Variants in MARCHF1 observed in about 807,000 individuals in gnomAD.
The protein encoded by MARCHF1 is E3 ubiquitin-protein ligase MARCHF1.
Under a neutral mutation model 54.2 loss-of-function variants are expected in MARCHF1, and 40 were observed. The observed-to-expected ratio is 0.74, with a 90% confidence interval of 0.57 to 0.96. MARCHF1 has a LOEUF of 0.96. Among genes scored for constraint, MARCHF1 ranks in the 40% least tolerant of loss-of-function variants. MARCHF1 has a pLI of 0.00. For synonymous variants in MARCHF1, 236 were observed against 236.3 expected, an observed-to-expected ratio of 1.00 and a Z score of 0.01; for missense variants, 586 against 656.5, an observed-to-expected ratio of 0.89 and a Z score of 1.17.
intron 5 of MARCHF1, among the ~76,000 whole-genome samples, chr4:163,677,686 T>G (rs1323673465): frequency 4.6e-5 from 7 of 152,250 alleles, no homozygotes; most frequent in Admixed American, 4.6e-4. Context: ...TGTTTATATC[T>G]CTACTCATCT....
intron 4 of MARCHF1, among the ~76,000 whole-genome samples, chr4:163,735,903 T>G (rs751168108): frequency 6.6e-6 from 1 of 152,194 alleles, no homozygotes; most frequent in Non-Finnish European, 1.5e-5. Flanking sequence ...CATTACAAGA[T>G]AGTGGATGCC....
At chr4:164,006,990 GAAAAAAAAAAAAAAAAAAAAAAAA>G (rs57195057) in intron 2 of MARCHF1, among the ~76,000 whole-genome samples, 25 of 23,190 alleles carry the variant, frequency 1.1e-3, no homozygotes, top group East Asian at 1.4e-3. Context: ...TCTGAAATCT[GAAAAAAAAAAAAAAAAAAAAAAAA>G]AAAAAAAAAA....
intron 4 of MARCHF1, among the ~76,000 whole-genome samples, chr4:163,844,223 G>C (rs1004497674): frequency 6.6e-6 from 1 of 152,180 alleles, no homozygotes; most frequent in South Asian, 2.1e-4. Context: ...AGAGCATGAG[G>C]TACGTGGTTT....
chr4:164,183,490 T>A (rs1375634758), intron 1 of MARCHF1, among the ~76,000 whole-genome samples: 1 of 152,222 alleles, frequency 6.6e-6, no homozygotes, highest in Non-Finnish European at 1.5e-5. Flanking sequence ...AATTTTTATG[T>A]GGTCAAAAGC....
intron 1 of MARCHF1, among the ~76,000 whole-genome samples, chr4:164,373,886 G>A (rs1387615875): frequency 6.6e-6 from 1 of 152,060 alleles, no homozygotes; most frequent in Non-Finnish European, 1.5e-5. Flanking sequence ...TGAAAAAAAT[G>A]GGAGGTAAAA....
intron 3 of MARCHF1, among the ~76,000 whole-genome samples, chr4:163,946,860 C>T (rs758037262): frequency 8.5e-5 from 13 of 152,302 alleles, no homozygotes; most frequent in Non-Finnish European, 1.8e-4. Flanking sequence ...TAAAAATGCA[C>T]CTGAAATATC....
chr4:164,118,289 T>G (rs1005783968), intron 1 of MARCHF1, among the ~76,000 whole-genome samples: 3 of 151,560 alleles, frequency 2.0e-5, no homozygotes, highest in Non-Finnish European at 4.4e-5. Context: ...TATTAGATTT[T>G]GGGGATTACA....
intron 3 of MARCHF1, among the ~76,000 whole-genome samples, chr4:163,938,897 C>A (rs1751854686): frequency 6.6e-6 from 1 of 152,060 alleles, no homozygotes; most frequent in Admixed American, 6.6e-5. Context: ...ATAGGGGAAA[C>A]CTACACCATG....
chr4:164,202,166 C>A (rs941769886), intron 1 of MARCHF1, among the ~76,000 whole-genome samples: 9 of 152,188 alleles, frequency 5.9e-5, no homozygotes, highest in Non-Finnish European at 1.2e-4. Flanking sequence ...GCTTAGGGAG[C>A]TGACCTTGAT....
chr4:164,141,626 C>T (rs774313233), intron 1 of MARCHF1, among the ~76,000 whole-genome samples: 18 of 152,210 alleles, frequency 1.2e-4, no homozygotes, highest in South Asian at 2.1e-4. Context: ...TTTCACCTGG[C>T]GGTGCGCAAG....
In MARCHF1 at chr4:164,078,994, C is replaced by T. The variant is rs972945071; in HGVS notation, c.-248+32594G>A. Among the ~76,000 whole-genome samples the T allele has an allele frequency of 3.9e-5, 6 of 152,202 alleles. No individual in the cohort carries two copies. In the East Asian group the frequency reaches 7.7e-4, roughly 20 times the overall value. On this transcript the variant is annotated intron_variant, in intron 2 of 9. Coordinates refer to ENST00000514618, the MANE Select transcript of MARCHF1 (RefSeq NM_001394959.1). ...GCTCTCTCAAAACTCTTAACAATCA[C>T]GGATGGTAAAGGGAATCTCATTATT...
chr4:164,083,605 T>TA (rs1248136565), intron 2 of MARCHF1, among the ~76,000 whole-genome samples: 4 of 152,002 alleles, frequency 2.6e-5, no homozygotes, highest in African/African-American at 4.8e-5. Context: ...AGAACATACT[T>TA]AAAAAAATGA....
At chr4:163,782,669 C>CAAAAA (rs779917586) in intron 4 of MARCHF1, among the ~76,000 whole-genome samples, 16 of 108,008 alleles carry the variant, frequency 1.5e-4, no homozygotes, top group South Asian at 3.3e-4. Context: ...ACTCCATCTC[C>CAAAAA]AAAAAAAAAA....
chr4:163,717,118 G>A (rs886649149), intron 4 of MARCHF1, among the ~76,000 whole-genome samples: 1 of 149,358 alleles, frequency 6.7e-6, no homozygotes, highest in Non-Finnish European at 1.5e-5. Flanking sequence ...TTAGCATTAG[G>A]TATATCTCCT....
intron 3 of MARCHF1, among the ~76,000 whole-genome samples, chr4:163,955,688 CA>C (rs1752219073): frequency 6.6e-6 from 1 of 152,148 alleles, no homozygotes. Context: ...AATCCTGTTA[CA>C]GCACTTATGT....
intron 7 of MARCHF1, among the ~76,000 whole-genome samples, chr4:163,611,484 A>C (rs1452024316): frequency 6.6e-6 from 1 of 152,134 alleles, no homozygotes; most frequent in Non-Finnish European, 1.5e-5. Flanking sequence ...TCTCATACAG[A>C]ATCTAAACAG....
At chr4:164,370,726 C>T (rs1005982435) in intron 1 of MARCHF1, among the ~76,000 whole-genome samples, 6 of 152,030 alleles carry the variant, frequency 3.9e-5, no homozygotes, top group Non-Finnish European at 5.9e-5. Context: ...CTCACCAACA[C>T]GGCGAAACTC....
At chr4:164,018,754 G>A (rs1052270954) in intron 2 of MARCHF1, among the ~76,000 whole-genome samples, 1 of 151,876 alleles carries the variant, frequency 6.6e-6, no homozygotes, top group African/African-American at 2.4e-5. Context: ...GCCTTTTATT[G>A]CTACTTTTGC....
chr4:163,830,935 A>C (rs182804096), intron 4 of MARCHF1, among the ~76,000 whole-genome samples: 1 of 152,336 alleles, frequency 6.6e-6, no homozygotes, highest in Non-Finnish European at 1.5e-5. Flanking sequence ...AGCAACACTG[A>C]AGCATGTTAT....
Sources: gnomAD v4.1 joint callset for allele counts (sites outside exome capture counted in the v4.1 genomes callset) on GRCh38, gnomAD v4.1.1 for gene constraint, MANE v1.5 for transcripts, NCBI Gene and HGNC (gene_info 2026-07-23, HGNC 2026-07-21) for gene names.